WDR73: variants seen among roughly 807,000 people sequenced by gnomAD.
The protein encoded by WDR73 is WD repeat domain 73.
A neutral mutation model predicts 38.2 loss-of-function variants in WDR73; 30 were observed. The ratio of observed to expected loss-of-function variants is 0.79; its 90% CI spans 0.59 to 1.06. The LOEUF (loss-of-function observed/expected upper bound fraction) is 1.06, where lower values mean the gene tolerates loss of function less well. Ranked by LOEUF, WDR73 falls within the 50% of genes least tolerant of loss-of-function variation. The pLI is 0.00. For synonymous variants in WDR73, 197 were observed against 176.0 expected, an observed-to-expected ratio of 1.12 and a Z score of -0.94; for missense variants, 487 against 467.0, an observed-to-expected ratio of 1.04 and a Z score of -0.40.
intron 3 of WDR73, among the ~76,000 whole-genome samples, chr15:84,652,232 G>A (rs1299163419): frequency 6.6e-6 from 1 of 152,074 alleles, no homozygotes; most frequent in African/African-American, 2.4e-5. Flanking sequence ...TTCTTGAGAA[G>A]TTCTCTTCTC....
At chr15:84,652,862 T>C (rs1567025518) in intron 2 of WDR73, 60 bp from the exon 3 acceptor site, 9 of 1,022,428 alleles carry the variant, frequency 8.8e-6, no homozygotes, top group East Asian at 2.7e-5. Flanking sequence ...GACCATGCAA[T>C]CCCCCGAAGT....
At chr15:84,649,182 T>G (rs1896549212) in intron 3 of WDR73, among the ~76,000 whole-genome samples, 1 of 152,218 alleles carries the variant, frequency 6.6e-6, no homozygotes, top group Non-Finnish European at 1.5e-5. Flanking sequence ...AGTATTAAGT[T>G]GTGAATTTGA....
rs373626470 is a variant in WDR73 at position 84,645,722 on chromosome 15, G to A, written c.632C>T (p.Pro211Leu). The A allele has an allele frequency of 6.6e-5, 106 of 1,610,238 alleles. 1 individual carries two copies. The highest frequency in any genetic ancestry group is 2.5e-4 in the South Asian group (23 of 90,464). Reference sequence around the variant, plus strand: ...AGGGCCAGGGCTGCGATTCTCCAACGGTGCCCACTTCTGCCGGGTGTCAAC... The same window carrying A: ...AGGGCCAGGGCTGCGATTCTCCAACAGTGCCCACTTCTGCCGGGTGTCAAC... ...GLVDTRQKWA[P>L]LENRSPGPGS... is the part of the protein sequence containing the mutation. The change falls in exon 7 of 8, where the codon CCG becomes CTG. Residue 211 changes from proline to leucine, a missense_variant. Pro to Leu is a moderately conservative substitution (Grantham distance 98). Coordinates refer to ENST00000434634, the MANE Select transcript of WDR73 (RefSeq NM_032856.5).
intron 3 of WDR73, among the ~76,000 whole-genome samples, chr15:84,652,445 A>G (rs918963806): frequency 3.3e-5 from 5 of 152,102 alleles, no homozygotes; most frequent in African/African-American, 1.2e-4. Context: ...ACGCATTTCG[A>G]CCGCCCTCTA....
intron 1 of WDR73, 56 bp downstream of exon 1, chr15:84,654,178 C>A: frequency 1.9e-6 from 3 of 1,612,564 alleles, no homozygotes; most frequent in Non-Finnish European, 2.5e-6. Context: ...CACACCCATC[C>A]GCCCGCCAGG....
intron 3 of WDR73, among the ~76,000 whole-genome samples, chr15:84,651,859 A>C (rs1169143102): frequency 6.6e-6 from 1 of 152,002 alleles, no homozygotes; most frequent in Non-Finnish European, 1.5e-5. Context: ...GAATGAACTC[A>C]ATTCCTCATC....
intron 3 of WDR73, 67 bp downstream of exon 3, chr15:84,652,647 A>C: frequency 7.5e-6 from 7 of 938,616 alleles, no homozygotes; most frequent in South Asian, 1.8e-5. Context: ...GGTAGATAAC[A>C]GGAGCTCCAC....
At position 84,643,680 on chromosome 15, in the gene WDR73, A is replaced by C. The variant is rs1896345799; in HGVS notation, c.927T>G (p.Asp309Glu). The part of the protein sequence containing the change: ...TVQVYDATSW[D>E]GTRSQDGTRS... ...GTGTTCCATCTTGGCTCCGTGTTCC[A>C]TCCCAAGATGTGGCATCATAGACCT... The change falls in exon 8 of 8, where the codon GAT (aspartate) becomes GAG (glutamate). Residue 309 changes from aspartate (D) to glutamate (E), a missense_variant. Asp to Glu is a conservative substitution (Grantham distance 45). Transcript: ENST00000434634. 6.2e-7 allele frequency: 1 copy of C among 1,612,698 alleles called. No homozygotes were observed.
chr15:84,646,433 T>C (rs1363090583), intron 5 of WDR73, 85 bp from the exon 6 acceptor site: 1 of 1,513,968 alleles, frequency 6.6e-7, no homozygotes, highest in East Asian at 2.3e-5. Context: ...CCCCTGTACA[T>C]TTAGAAGATC....
In WDR73 at chr15:84,645,190, G is replaced by A. The variant is rs1157971153; in HGVS notation, c.883+281C>T. The stretch of plus-strand genomic sequence containing the variant: ...TCCCCTTTTCTTTCTGACCCAGCCC[G>A]ATGTCTGTCCCAGTGTCTTACTGTC... On this transcript the variant is annotated intron_variant, in intron 7 of 7. Coordinates refer to ENST00000434634, the MANE Select transcript of WDR73 (RefSeq NM_032856.5). 9.3e-6 allele frequency: 12 copies of A among 1,289,316 alleles called. No homozygotes were observed. In the South Asian group the frequency reaches 1.5e-4, roughly 16 times the overall value. 79.9% of individuals were successfully genotyped at this position (1,289,316 alleles called of 1,614,324 possible). A position where few individuals can be genotyped will look rare whatever the true frequency, so the allele number is the denominator to read the frequency against.
rs1896203882 is a variant in WDR73, at chr15:84,639,776, G to C, written c.*3694C>G. 4 of 152,236 alleles carry C rather than the reference G, an allele frequency of 2.6e-5. No individual in the cohort carries two copies. Among genetic ancestry groups the C allele is most frequent in the Admixed American group, 2.6e-4 (4 of 15,270 alleles). 9.4% of individuals were successfully genotyped at this position (152,236 alleles called of 1,614,324 possible). On this transcript the variant is annotated 3_prime_UTR_variant, in exon 8 of 8. Transcript: ENST00000434634. ...TTTTCTGGGAATTCTCAGAGGCCTG[G>C]ATCCACGAAAAACTCCGCACCTGCC... is the stretch of plus-strand genomic sequence containing the variant.
chr15:84,653,213 G>A lies in WDR73; in HGVS notation c.110-411C>T, dbSNP rs1027292451. On this transcript the variant is annotated intron_variant, in intron 2 of 7. Coordinates refer to ENST00000434634, the MANE Select transcript of WDR73 (RefSeq NM_032856.5). ...CCTGAAGACTTTTTTTGTTAGCCAC[G>A]CTGGAATACAGTGTCGTGATCTCAG... 3.6e-5 allele frequency: 7 copies of A among 194,192 alleles called. No individual in the cohort carries two copies. The South Asian group carries it at 6.8e-4, about 19-fold the overall frequency. 12.0% of individuals were successfully genotyped at this position (194,192 alleles called of 1,614,324 possible). A position where few individuals can be genotyped will look rare whatever the true frequency, so the allele number is the denominator to read the frequency against.
intron 7 of WDR73, 78 bp downstream of exon 7, chr15:84,645,393 G>C: frequency 6.3e-7 from 1 of 1,582,828 alleles, no homozygotes; most frequent in South Asian, 1.2e-5. Flanking sequence ...CATGGTGCTG[G>C]AGGCTCCTTC....
In WDR73 at chr15:84,648,570, G is replaced by A; in HGVS notation, c.254C>T (p.Ser85Phe). ...KVRHGGFSDRSIFDLKHVPHT... is the reference protein window; with the variant it reads ...KVRHGGFSDRFIFDLKHVPHT... ...TGGCACATGCTTTAGATCAAAGATA[G>A]ACCTGTCTGAAAATCCTCCATGGCG... The change falls in exon 4 of 8, where the codon TCT becomes TTT. Residue 85 changes from serine to phenylalanine, a missense_variant. Coordinates refer to ENST00000434634, the MANE Select transcript of WDR73 (RefSeq NM_032856.5). 1 of 1,613,912 alleles carries A rather than the reference G, an allele frequency of 6.2e-7. No individual in the cohort carries two copies. The highest frequency in any genetic ancestry group is 8.5e-7 in the Non-Finnish European group (1 of 1,179,822).
In WDR73 at chr15:84,647,950, G is replaced by A. The variant is rs774847850; in HGVS notation, c.292C>T (p.Leu98=). The A allele has an allele frequency of 6.2e-7, 1 of 1,613,966 alleles. No homozygotes were observed. The highest frequency in any genetic ancestry group is 1.7e-5 in the Admixed American group (1 of 60,016). Residue 98 remains leucine, a synonymous_variant, in exon 5 of 8, where the codon CTG becomes TTG. Transcript: ENST00000434634. The stretch of plus-strand genomic sequence containing the variant: ...CAACCTGGAAGGCCACTGGTAACCA[G>A]CAATCTATTCAGAAAAGACAAAATC... ...DLKHVPHTRL[L]VTSGLPGCYL...
chr15:84,643,694 C>T lies in WDR73; in HGVS notation c.913G>A (p.Ala305Thr). The change falls in exon 8 of 8, where the codon GCC becomes ACC. Residue 305 changes from alanine (A) to threonine (T), a missense_variant. By Grantham distance (58) the Ala-to-Thr change is moderately conservative. Transcript: ENST00000434634. ...CTCCGTGTTCCATCCCAAGATGTGG[C>T]ATCATAGACCTGGACTGTACCATCA... ...GFDGTVQVYDATSWDGTRSQD... is the reference protein window; with the variant it reads ...GFDGTVQVYDTTSWDGTRSQD... 1 of 1,613,048 alleles carries T rather than the reference C, an allele frequency of 6.2e-7. No individual in the cohort carries two copies. The highest frequency in any genetic ancestry group is 1.3e-5 in the African/African-American group (1 of 74,990).
At chr15:84,647,850 T>C (rs1174619473) in intron 5 of WDR73, 40 bp downstream of exon 5, 5 of 1,606,278 alleles carry the variant, frequency 3.1e-6, no homozygotes, top group Non-Finnish European at 3.4e-6. Flanking sequence ...GAGTCACACT[T>C]TCCTAGAACC....
At chr15:84,651,440 A>G (rs750513812) in intron 3 of WDR73, among the ~76,000 whole-genome samples, 1 of 152,140 alleles carries the variant, frequency 6.6e-6, no homozygotes, top group African/African-American at 2.4e-5. Context: ...ACAAAAAGGA[A>G]TTCAGGAGCA....
chr15:84,649,165 T>G (rs1181704668), intron 3 of WDR73, among the ~76,000 whole-genome samples: 1 of 152,210 alleles, frequency 6.6e-6, no homozygotes, highest in Non-Finnish European at 1.5e-5. Flanking sequence ...TTATATAAGG[T>G]CATACAAGTA....
Sources: allele counts gnomAD v4.1 joint callset (sites outside exome capture counted in the v4.1 genomes callset), GRCh38; gene constraint gnomAD v4.1.1; transcripts MANE v1.5; gene names NCBI Gene and HGNC (gene_info 2026-07-23, HGNC 2026-07-21).